The following MRPS6 variants were observed in gnomAD, a reference collection of about 807,000 sequenced individuals.
The protein encoded by MRPS6 is mitochondrial ribosomal protein S6.
MRPS6 carries 6 observed loss-of-function variants against 13.1 expected under a neutral mutation model. That is an observed-to-expected ratio of 0.46 (90% confidence interval 0.25 to 0.91). The LOEUF is 0.91. MRPS6 is among the 40% of genes least tolerant of loss of function. MRPS6 has a pLI of 0.18. For missense variants in MRPS6, 164 were observed against 155.6 expected (o/e 1.05, Z -0.29); for synonymous variants, 61 against 56.5 (o/e 1.08, Z -0.36).
At position 34,092,073 on chromosome 21, in the gene MRPS6, T is replaced by C. The variant is rs539430015; in HGVS notation, c.45+18328T>C. Among the ~76,000 whole-genome samples the C allele has an allele frequency of 6.6e-5, 10 of 152,172 alleles. No homozygotes were observed. In the East Asian group the frequency reaches 1.5e-3, roughly 24 times the overall value. On this transcript the variant is annotated intron_variant, in intron 1 of 2. Coordinates refer to ENST00000399312, the MANE Select transcript of MRPS6 (RefSeq NM_032476.4). ...ATAAAAATAAGGGAACCCTGGACAG[T>C]GCTCATTGTATTTTGTTGAAGAAAT... is the stretch of plus-strand genomic sequence containing the variant.
chr21:34,077,872 C>CT (rs1298013738), intron 1 of MRPS6, among the ~76,000 whole-genome samples: 4 of 152,058 alleles, frequency 2.6e-5, no homozygotes, highest in Non-Finnish European at 5.9e-5. Flanking sequence ...AAATGCAAGC[C>CT]TTTTTTGATT....
At chr21:34,110,764 CAT>C (rs1379340424) in intron 1 of MRPS6, among the ~76,000 whole-genome samples, 21 of 152,300 alleles carry the variant, frequency 1.4e-4, no homozygotes, top group East Asian at 7.7e-4. Flanking sequence ...GACCTTGCCT[CAT>C]GTGTGTTTCT....
At chr21:34,119,652 G>A (rs1459959423) in intron 1 of MRPS6, among the ~76,000 whole-genome samples, 1 of 152,104 alleles carries the variant, frequency 6.6e-6, no homozygotes, top group Non-Finnish European at 1.5e-5. Context: ...TATTTTCTGG[G>A]GAACTAGGGT....
chr21:34,085,872 GA>G (rs1265428184), intron 1 of MRPS6, among the ~76,000 whole-genome samples: 1 of 152,142 alleles, frequency 6.6e-6, no homozygotes, highest in Non-Finnish European at 1.5e-5. Flanking sequence ...AAAGTGCTGG[GA>G]TTACAGGTGT....
chr21:34,075,881 A>T (rs1031999034), intron 1 of MRPS6, among the ~76,000 whole-genome samples: 1 of 152,240 alleles, frequency 6.6e-6, no homozygotes, highest in Non-Finnish European at 1.5e-5. Flanking sequence ...CTCTAGGCTT[A>T]TGAAATGAAA....
intron 1 of MRPS6, chr21:34,101,808 C>T: frequency 3.0e-5 from 30 of 998,350 alleles, no homozygotes; most frequent in Non-Finnish European, 3.6e-5. Flanking sequence ...GAATGATTTT[C>T]TCACACTTTG....
At chr21:34,101,574 T>C in intron 1 of MRPS6, 1 of 1,000,132 alleles carries the variant, frequency 1.0e-6, no homozygotes, top group Non-Finnish European at 1.2e-6. Flanking sequence ...TTTGTCTTCC[T>C]TCACATTGCT....
At chr21:34,098,575 C>T (rs747322767) in intron 1 of MRPS6, 21 of 1,000,084 alleles carry the variant, frequency 2.1e-5, no homozygotes, top group Non-Finnish European at 2.4e-5. Flanking sequence ...TAACAGAAAA[C>T]TCAGTGCATA....
chr21:34,110,010 T>A (rs1979635345), intron 1 of MRPS6, among the ~76,000 whole-genome samples: 1 of 152,210 alleles, frequency 6.6e-6, no homozygotes, highest in Non-Finnish European at 1.5e-5. Flanking sequence ...TACTCACCCT[T>A]TAACCTTTTG....
At chr21:34,109,748 C>G (rs967821258) in intron 1 of MRPS6, among the ~76,000 whole-genome samples, 1 of 152,096 alleles carries the variant, frequency 6.6e-6, no homozygotes, top group African/African-American at 2.4e-5. Context: ...GCTTCTACTT[C>G]CTTTCTTCCA....
intron 1 of MRPS6, among the ~76,000 whole-genome samples, chr21:34,086,527 G>A (rs1482908217): frequency 1.3e-5 from 2 of 150,688 alleles, no homozygotes; most frequent in African/African-American, 4.9e-5. Context: ...TTGTGTGTGT[G>A]TGTGTGTGTG....
At chr21:34,126,501 G>A (rs1341772650) in intron 2 of MRPS6, among the ~76,000 whole-genome samples, 1 of 152,254 alleles carries the variant, frequency 6.6e-6, no homozygotes, top group African/African-American at 2.4e-5. Flanking sequence ...CCTCTGAAGA[G>A]AATGCCTGAG....
At chr21:34,080,891 C>T (rs945007014) in intron 1 of MRPS6, among the ~76,000 whole-genome samples, 3 of 152,212 alleles carry the variant, frequency 2.0e-5, no homozygotes, top group African/African-American at 4.8e-5. Flanking sequence ...CAGTGCACTT[C>T]GCTCACGCTG....
At chr21:34,089,131 G>A (rs1978552357) in intron 1 of MRPS6, among the ~76,000 whole-genome samples, 1 of 151,952 alleles carries the variant, frequency 6.6e-6, no homozygotes, top group Admixed American at 6.6e-5. Context: ...GGGTTCAAGC[G>A]ATCCTCTTGC....
At chr21:34,117,397 A>G (rs1224661936) in intron 1 of MRPS6, among the ~76,000 whole-genome samples, 1 of 152,168 alleles carries the variant, frequency 6.6e-6, no homozygotes, top group Non-Finnish European at 1.5e-5. Context: ...TTCTTCAACC[A>G]ACCAGTTAGT....
chr21:34,094,769 C>T (rs8134256), intron 1 of MRPS6: 158,055 of 158,056 alleles, frequency 1, 79,027 homozygotes, highest in Non-Finnish European at 1. Context: ...AAGAATGTCT[C>T]GTTGCGCCGG....
At chr21:34,133,921 T>C (rs1018673177) in intron 2 of MRPS6, among the ~76,000 whole-genome samples, 14 of 152,122 alleles carry the variant, frequency 9.2e-5, no homozygotes, top group South Asian at 2.1e-4. Flanking sequence ...TTTTGATGAA[T>C]AGTGAGTGAA....
At chr21:34,099,073 C>G (rs182934815) in intron 1 of MRPS6, 1 of 998,914 alleles carries the variant, frequency 1.0e-6, no homozygotes, top group Non-Finnish European at 1.2e-6. Context: ...TAGAAATTGT[C>G]AGGTAGCATA....
intron 1 of MRPS6, chr21:34,122,170 C>G (rs960411730): frequency 6.6e-6 from 1 of 152,188 alleles, no homozygotes; most frequent in Admixed American, 6.5e-5. Context: ...CATGTGGTCT[C>G]TTGTAATTAC....
Sources: gnomAD v4.1 joint callset for allele counts (sites outside exome capture counted in the v4.1 genomes callset) on GRCh38, gnomAD v4.1.1 for gene constraint, MANE v1.5 for transcripts, NCBI Gene and HGNC (gene_info 2026-07-23, HGNC 2026-07-21) for gene names.